Variants in JDP2 observed in about 807,000 individuals in gnomAD.
The protein encoded by JDP2 is Jun dimerization protein 2, also known as progesterone receptor co-activator.
JDP2 carries 9 observed loss-of-function variants against 17.1 expected under a neutral mutation model. The observed-to-expected ratio is 0.53, with a 90% confidence interval of 0.32 to 0.92. The LOEUF is 0.92. JDP2 is among the 40% of genes least tolerant of loss of function. The pLI, the probability that JDP2 is intolerant of heterozygous loss-of-function variation, is 0.04. For synonymous variants in JDP2, 107 were observed against 95.6 expected, an observed-to-expected ratio of 1.12 and a Z score of -0.69; for missense variants, 179 against 220.0, an observed-to-expected ratio of 0.81 and a Z score of 1.18.
intron 2 of JDP2, among the ~76,000 whole-genome samples, chr14:75,446,917 T>G (rs192692442): frequency 1.3e-5 from 2 of 152,352 alleles, no homozygotes; most frequent in East Asian, 3.9e-4. Flanking sequence ...TCCCCCAGTA[T>G]GTAACAATGT....
chr14:75,455,431 T>C (rs1719035712), intron 2 of JDP2, among the ~76,000 whole-genome samples: 1 of 152,138 alleles, frequency 6.6e-6, no homozygotes, highest in African/African-American at 2.4e-5. Context: ...ATACACGAGA[T>C]AGTCTTGTTT....
At chr14:75,445,139 G>A (rs1885536515) in intron 2 of JDP2, 1 of 985,318 alleles carries the variant, frequency 1.0e-6, no homozygotes, top group Non-Finnish European at 1.2e-6. Context: ...CCTCTCCTGG[G>A]TGAGGCTCAT....
At chr14:75,458,621 A>G (rs756444515) in intron 2 of JDP2, among the ~76,000 whole-genome samples, 2 of 152,234 alleles carry the variant, frequency 1.3e-5, no homozygotes, top group African/African-American at 2.4e-5. Context: ...CAGTGCTGCA[A>G]TGAAAATACA....
chr14:75,447,301 G>A (rs2139968927), intron 2 of JDP2, among the ~76,000 whole-genome samples: 1 of 152,332 alleles, frequency 6.6e-6, no homozygotes, highest in South Asian at 2.1e-4. Flanking sequence ...GCACTTTATA[G>A]TTTGCAAACT....
At chr14:75,463,506 C>T (rs1005546256) in intron 3 of JDP2, among the ~76,000 whole-genome samples, 7 of 152,020 alleles carry the variant, frequency 4.6e-5, no homozygotes, top group Admixed American at 1.3e-4. Flanking sequence ...GTGTGCCGAG[C>T]GTTATGTTGG....
intron 2 of JDP2, among the ~76,000 whole-genome samples, chr14:75,439,460 G>A (rs1340894730): frequency 6.6e-6 from 1 of 152,264 alleles, no homozygotes; most frequent in Non-Finnish European, 1.5e-5. Context: ...GGGGTGGACA[G>A]AGGCACTTCA....
At chr14:75,429,514 TATC>T (rs1414838334) in intron 1 of JDP2, among the ~76,000 whole-genome samples, 1 of 152,114 alleles carries the variant, frequency 6.6e-6, no homozygotes, top group Non-Finnish European at 1.5e-5. Context: ...TGCATTCGCG[TATC>T]ATCTCCCTTC....
chr14:75,434,572 G>A (rs1240431435), intron 1 of JDP2, among the ~76,000 whole-genome samples: 2 of 152,214 alleles, frequency 1.3e-5, no homozygotes, highest in East Asian at 3.9e-4. Context: ...GGGGGTGGCC[G>A]CTCCTTCAGG....
At chr14:75,463,185 A>T (rs931783583) in intron 3 of JDP2, among the ~76,000 whole-genome samples, 2 of 152,262 alleles carry the variant, frequency 1.3e-5, no homozygotes, top group Non-Finnish European at 2.9e-5. Context: ...AATGGCACTC[A>T]CTGCCCATCA....
intron 2 of JDP2, among the ~76,000 whole-genome samples, chr14:75,439,264 G>T (rs1346397809): frequency 6.7e-6 from 1 of 149,720 alleles, no homozygotes; most frequent in African/African-American, 2.6e-5. Flanking sequence ...GCTTGGCTGT[G>T]GTGGCAAACT....
intron 2 of JDP2, among the ~76,000 whole-genome samples, chr14:75,452,431 T>G (rs1415080551): frequency 6.6e-6 from 1 of 151,816 alleles, no homozygotes; most frequent in African/African-American, 2.4e-5. Context: ...ACCGGAGAGG[T>G]GACCTGATTG....
rs1201347485 is a variant in JDP2 at position 75,473,612 on chromosome 14, C to T, written c.*4137C>T. 2 of 152,040 alleles carry T rather than the reference C, an allele frequency of 1.3e-5. No individual in the cohort carries two copies. Among genetic ancestry groups the T allele is most frequent in the Non-Finnish European group, 2.9e-5 (2 of 68,008 alleles). 9.4% of individuals were successfully genotyped at this position (152,040 alleles called of 1,614,324 possible). A position where few individuals can be genotyped will look rare whatever the true frequency, so the allele number is the denominator to read the frequency against. ...AAGAACAAATAAATTGTGGTATTTT[C>T]CTAAAATTGAATATTACTCAACAGG... On this transcript the variant is annotated 3_prime_UTR_variant, in exon 4 of 4. Coordinates refer to ENST00000651602, the MANE Select transcript of JDP2 (RefSeq NM_001135048.2).
chr14:75,445,629 C>A, intron 2 of JDP2: 1 of 973,776 alleles, frequency 1.0e-6, no homozygotes, highest in South Asian at 4.7e-5. Flanking sequence ...GGAAATAGAC[C>A]CCTACCTAGT....
At chr14:75,451,608 C>A (rs1408450953) in intron 2 of JDP2, among the ~76,000 whole-genome samples, 1 of 152,014 alleles carries the variant, frequency 6.6e-6, no homozygotes, top group Non-Finnish European at 1.5e-5. Context: ...AAGGATGGGA[C>A]CTGGAAAACA....
chr14:75,437,837 T>A, intron 1 of JDP2, 61 bp from the exon 2 acceptor site: 1 of 1,209,096 alleles, frequency 8.3e-7, no homozygotes. Context: ...GACGAGGGAC[T>A]TGAGCCCTCC....
At chr14:75,429,096 C>T (rs1442284554) in intron 1 of JDP2, among the ~76,000 whole-genome samples, 1 of 152,102 alleles carries the variant, frequency 6.6e-6, no homozygotes, top group Non-Finnish European at 1.5e-5. Flanking sequence ...GATGGCAGAG[C>T]CAGGCTTTGC....
chr14:75,444,397 A>T, intron 2 of JDP2, among the ~76,000 whole-genome samples: 1 of 152,032 alleles, frequency 6.6e-6, no homozygotes. Context: ...GTCCTCGGAG[A>T]TGGTGGGTGG....
intron 2 of JDP2, among the ~76,000 whole-genome samples, chr14:75,457,861 CAG>C (rs990915924): frequency 2.0e-5 from 3 of 152,250 alleles, no homozygotes; most frequent in Non-Finnish European, 4.4e-5. Context: ...GCCACCCCGG[CAG>C]AGAAAGCTCC....
chr14:75,453,667 G>T (rs1044614771), intron 2 of JDP2, among the ~76,000 whole-genome samples: 4 of 152,206 alleles, frequency 2.6e-5, no homozygotes, highest in Non-Finnish European at 4.4e-5. Context: ...GCTCAGAGAG[G>T]CCAAGTAACT....
Sources: allele counts gnomAD v4.1 joint callset (sites outside exome capture counted in the v4.1 genomes callset), GRCh38; gene constraint gnomAD v4.1.1; transcripts MANE v1.5; gene names NCBI Gene and HGNC (gene_info 2026-07-23, HGNC 2026-07-21).